DRC7: variants seen among roughly 807,000 people sequenced by gnomAD.
DRC7 encodes coiled-coil domain containing 135.
In DRC7, 80 loss-of-function variants were observed where a neutral mutation model predicts 104.4. The ratio of observed to expected loss-of-function variants is 0.77; its 90% CI spans 0.64 to 0.92. The LOEUF is 0.92. Among genes scored for constraint, DRC7 ranks in the 40% least tolerant of loss-of-function variants. The probability of loss-of-function intolerance (pLI) is 0.00; values close to 1 mark genes in which losing one functional copy is unlikely to be tolerated. For synonymous variants in DRC7, 405 were observed against 447.3 expected, an observed-to-expected ratio of 0.91 and a Z score of 1.19; for missense variants, 1,034 against 1,141.1, an observed-to-expected ratio of 0.91 and a Z score of 1.35.
intron 9 of DRC7, among the ~76,000 whole-genome samples, chr16:57,721,353 C>T (rs1203676638): frequency 6.6e-6 from 1 of 152,166 alleles, no homozygotes; most frequent in Non-Finnish European, 1.5e-5. Context: ...GCCCAGGACC[C>T]CTTAGCTGGT....
chr16:57,724,634 G>C lies in DRC7; in HGVS notation c.1557G>C (p.Met519Ile). ...ACCCAGTGCACTCGTACAAGTCCAT[G>C]CAACCTGAGATGGACCGTGTCATTG... ...QALRVHSYKS[M>I]QPEMDRVIEF... Residue 519 changes from methionine (M) to isoleucine (I), a missense_variant, in exon 13 of 19, where the codon ATG becomes ATC. Coordinates refer to ENST00000360716, the MANE Select transcript of DRC7 (RefSeq NM_001289162.2). The C allele has an allele frequency of 6.2e-7, 1 of 1,612,658 alleles. No homozygotes were observed. The highest frequency in any genetic ancestry group is 1.1e-5 in the South Asian group (1 of 91,040).
intron 1 of DRC7, among the ~76,000 whole-genome samples, chr16:57,695,629 C>G (rs572175669): frequency 6.6e-6 from 1 of 152,234 alleles, no homozygotes; most frequent in South Asian, 2.1e-4. Flanking sequence ...AGGTTCTCCC[C>G]TGAGGATCTG....
At chr16:57,718,067 C>T (rs970990531) in intron 8 of DRC7, among the ~76,000 whole-genome samples, 29 of 152,242 alleles carry the variant, frequency 1.9e-4, no homozygotes, top group Non-Finnish European at 3.4e-4. Flanking sequence ...GGCCAGAGAG[C>T]CTCCTTGTCT....
At chr16:57,729,018 G>T (rs535500221) in intron 17 of DRC7, among the ~76,000 whole-genome samples, 22 of 148,342 alleles carry the variant, frequency 1.5e-4, no homozygotes, top group Non-Finnish European at 2.4e-4. Context: ...AGGTGTATGG[G>T]TATAGGTATG....
intron 8 of DRC7, among the ~76,000 whole-genome samples, chr16:57,709,698 G>T (rs1407295094): frequency 6.6e-6 from 1 of 152,024 alleles, no homozygotes. Flanking sequence ...ACAAGTTAGT[G>T]GCTTTTAGTA....
At chr16:57,721,132 CTT>C (rs2048897500) in intron 9 of DRC7, among the ~76,000 whole-genome samples, 1 of 152,294 alleles carries the variant, frequency 6.6e-6, no homozygotes, top group South Asian at 2.1e-4. Context: ...AGGAGAATCA[CTT>C]GAACCTGGGA....
intron 7 of DRC7, among the ~76,000 whole-genome samples, chr16:57,705,893 CT>C (rs2048716406): frequency 7.5e-6 from 1 of 133,496 alleles, no homozygotes; most frequent in Admixed American, 7.3e-5. Context: ...CATCATCCCA[CT>C]CATCCTCCCA....
intron 9 of DRC7, among the ~76,000 whole-genome samples, chr16:57,721,368 G>C (rs1477568499): frequency 1.3e-5 from 2 of 152,178 alleles, no homozygotes; most frequent in Non-Finnish European, 2.9e-5. Context: ...GCTGGTCTTG[G>C]AGAGAGGGTG....
At chr16:57,700,656 C>CAAAAAA (rs59120133) in intron 5 of DRC7, among the ~76,000 whole-genome samples, 19 of 88,546 alleles carry the variant, frequency 2.1e-4, no homozygotes, top group African/African-American at 5.1e-4. Context: ...AAAACTCTCT[C>CAAAAAA]AAAAAAAAAA....
intron 8 of DRC7, among the ~76,000 whole-genome samples, chr16:57,711,543 G>A (rs2048791433): frequency 6.6e-6 from 1 of 152,254 alleles, no homozygotes; most frequent in Non-Finnish European, 1.5e-5. Context: ...TTGTGGAGCA[G>A]GGCTACCCCA....
chr16:57,709,226 CTT>C (rs1415956278), intron 8 of DRC7, among the ~76,000 whole-genome samples: 2 of 151,546 alleles, frequency 1.3e-5, no homozygotes, highest in African/African-American at 4.8e-5. Context: ...TCTGTAAAGA[CTT>C]TGGGGTTTTC....
chr16:57,723,928 AG>A lies in DRC7; in HGVS notation c.1538-686del, dbSNP rs141217958. 8.1e-3 allele frequency among the ~76,000 whole-genome samples: 1,229 copies of A among 152,264 alleles called. 17 individuals are homozygous for A. Among genetic ancestry groups the A allele is most frequent in the African/African-American group, 0.027 (1,113 of 41,534 alleles). ...AAAATGGTCCTACTGGGTATGAACA[AG>A]TATGGGAGCAACAGTCACTCTGTGT... On this transcript the variant is annotated intron_variant, in intron 12 of 18. Transcript: ENST00000360716.
intron 8 of DRC7, chr16:57,707,963 C>T: frequency 2.1e-6 from 1 of 469,458 alleles, no homozygotes; most frequent in South Asian, 2.1e-5. Context: ...CAGAAAAGTA[C>T]ACTCATCCCA....
intron 13 of DRC7, chr16:57,725,336 G>A (rs1490624542): frequency 2.5e-5 from 4 of 158,968 alleles, no homozygotes; most frequent in East Asian, 1.8e-4. Context: ...ACCTGGTCCC[G>A]CCCTTGACCT....
intron 17 of DRC7, among the ~76,000 whole-genome samples, chr16:57,728,828 GGATGGATGGATA>G (rs2049006919): frequency 6.6e-6 from 1 of 150,558 alleles, no homozygotes; most frequent in African/African-American, 2.5e-5. Context: ...GTGGGTGGAT[GGATGGATGGATA>G]GATGGGTGGA....
intron 6 of DRC7, among the ~76,000 whole-genome samples, chr16:57,704,375 G>A (rs915171745): frequency 1.7e-4 from 17 of 99,832 alleles, no homozygotes; most frequent in African/African-American, 5.6e-4. Context: ...ACACGCAAGC[G>A]TACACACACA....
intron 12 of DRC7, 103 bp downstream of exon 12, chr16:57,723,233 T>G: frequency 7.3e-7 from 1 of 1,374,226 alleles, no homozygotes; most frequent in Non-Finnish European, 9.9e-7. Context: ...ATACATATTA[T>G]ACATGGGTTC....
At chr16:57,724,137 C>T (rs191521754) in intron 12 of DRC7, among the ~76,000 whole-genome samples, 3 of 152,016 alleles carry the variant, frequency 2.0e-5, no homozygotes, top group Admixed American at 2.0e-4. Context: ...TGGTGAAACC[C>T]CGTTTCTACT....
chr16:57,705,672 C>T (rs1401297735), intron 7 of DRC7, among the ~76,000 whole-genome samples: 2 of 145,094 alleles, frequency 1.4e-5, no homozygotes, highest in Admixed American at 6.8e-5. Flanking sequence ...TCCATCTTCC[C>T]ATCCATCCAT....
Sources: allele counts gnomAD v4.1 joint callset (sites outside exome capture counted in the v4.1 genomes callset), GRCh38; gene constraint gnomAD v4.1.1; transcripts MANE v1.5; gene names NCBI Gene and HGNC (gene_info 2026-07-23, HGNC 2026-07-21).